FBLN1: variants seen among roughly 807,000 people sequenced by gnomAD.
FBLN1 encodes the protein fibulin-1.
Under a neutral mutation model 89.7 loss-of-function variants are expected in FBLN1, and 34 were observed. The ratio of observed to expected loss-of-function variants is 0.38; its 90% confidence interval spans 0.29 to 0.50. The LOEUF (loss-of-function observed/expected upper bound fraction) is 0.50, where lower values mean the gene tolerates loss of function less well. Among genes scored for constraint, FBLN1 ranks in the 20% least tolerant of loss-of-function variants. FBLN1 has a pLI of 0.92. For synonymous variants in FBLN1, 393 were observed against 391.3 expected (o/e 1.00, Z -0.05); for missense variants, 777 against 988.1 (o/e 0.79, Z 2.86).
intron 10 of FBLN1, 136 bp from the exon 11 acceptor site, chr22:45,543,265 C>A: frequency 8.9e-7 from 1 of 1,126,066 alleles, no homozygotes; most frequent in Non-Finnish European, 1.3e-6. Context: ...GACTCCATCT[C>A]AAAGATGAAG....
At chr22:45,511,991 G>C (rs985648196) in intron 1 of FBLN1, among the ~76,000 whole-genome samples, 3 of 152,104 alleles carry the variant, frequency 2.0e-5, no homozygotes, top group Non-Finnish European at 4.4e-5. Flanking sequence ...AAACTCCTCC[G>C]AAACAACAGG....
intron 14 of FBLN1, among the ~76,000 whole-genome samples, chr22:45,552,981 T>C (rs940384439): frequency 2.6e-5 from 4 of 152,210 alleles, no homozygotes; most frequent in African/African-American, 9.6e-5. Flanking sequence ...GTGGCCTTGG[T>C]TGCCGCTTCC....
At chr22:45,503,845 A>G (rs1053331362) in intron 1 of FBLN1, among the ~76,000 whole-genome samples, 3 of 152,114 alleles carry the variant, frequency 2.0e-5, no homozygotes, top group African/African-American at 7.2e-5. Context: ...CAACTCTGGG[A>G]CTGACAGCTC....
rs1319200998 is a variant in FBLN1, at chr22:45,576,540, C to T, written c.1841-437C>T. 6.6e-6 allele frequency among the ~76,000 whole-genome samples: 1 copy of T among 152,106 alleles called. No homozygotes were observed. The highest frequency in any genetic ancestry group is 1.5e-5 in the Non-Finnish European group (1 of 68,022). On this transcript the variant is annotated intron_variant, in intron 15 of 16. Coordinates refer to ENST00000327858, the MANE Select transcript of FBLN1 (RefSeq NM_006486.3). The surrounding 1 kb of genome is among the most constrained non-coding windows in gnomAD (Gnocchi z 5.2). ...ATGGACACACACCCCCCAGAGAACC[C>T]AGGCCACCGCTCAGGGTGGCCCCCC...
At chr22:45,519,787 G>A (rs189642558) in intron 2 of FBLN1, among the ~76,000 whole-genome samples, 8 of 152,326 alleles carry the variant, frequency 5.3e-5, no homozygotes, top group African/African-American at 1.7e-4. Flanking sequence ...CAAGGGCTGG[G>A]GAGGTGGACC....
chr22:45,552,844 T>G (rs2088722174), intron 14 of FBLN1, among the ~76,000 whole-genome samples: 1 of 151,684 alleles, frequency 6.6e-6, no homozygotes, highest in Non-Finnish European at 1.5e-5. Context: ...CACAATTCCC[T>G]TCTGCCCGCA....
At chr22:45,543,260 C>T in intron 10 of FBLN1, 141 bp from the exon 11 acceptor site, 1 of 1,026,842 alleles carries the variant, frequency 9.7e-7, no homozygotes, top group Non-Finnish European at 1.5e-6. Context: ...AGCGAGACTC[C>T]ATCTCAAAGA....
chr22:45,513,307 CTT>C (rs34166807), intron 1 of FBLN1, among the ~76,000 whole-genome samples: 44 of 141,072 alleles, frequency 3.1e-4, no homozygotes, highest in East Asian at 4.2e-4. Flanking sequence ...TAACCATTTC[CTT>C]TTTTTTTTTT....
rs367626016 is a variant in FBLN1, at chr22:45,541,334, G to A, written c.1028G>A (p.Arg343His). The change falls in exon 9 of 17, where the codon CGT becomes CAT. Residue 343 changes from arginine to histidine, a missense_variant. Physicochemically the swap from Arg to His is conservative, Grantham distance 29. Coordinates refer to ENST00000327858, the MANE Select transcript of FBLN1 (RefSeq NM_006486.3). Reference sequence around the variant, plus strand: ...CAGAAGAACGTGCCCAACTGTGGCCGTGGCTACCATCTCAACGAGGAGGGA... The same window carrying A: ...CAGAAGAACGTGCCCAACTGTGGCCATGGCTACCATCTCAACGAGGAGGGA... Reference protein sequence around the residue: ...TCQKNVPNCGRGYHLNEEGTR... With the variant: ...TCQKNVPNCGHGYHLNEEGTR... 4.0e-5 allele frequency: 65 copies of A among 1,614,136 alleles called. No individual in the cohort carries two copies. The highest frequency in any genetic ancestry group is 1.3e-4 in the African/African-American group (10 of 74,948).
At chr22:45,527,518 C>T (rs1420955393) in intron 3 of FBLN1, among the ~76,000 whole-genome samples, 1 of 151,972 alleles carries the variant, frequency 6.6e-6, no homozygotes, top group Non-Finnish European at 1.5e-5. Flanking sequence ...CTCCCTCTTC[C>T]TGGATGTGTG....
chr22:45,576,500 T>C lies in FBLN1; in HGVS notation c.1841-477T>C, dbSNP rs913526617. ...CAGAGCTGGGGCTGCCCTGCTTCAC[T>C]GTCTGATCTGGGAGATGGACACACA... On this transcript the variant is annotated intron_variant, in intron 15 of 16. Transcript: ENST00000327858. This position sits in a 1 kb window ranked among gnomAD's most constrained non-coding sequence, Gnocchi z 5.2. Among the ~76,000 whole-genome samples the C allele has an allele frequency of 6.6e-6, 1 of 151,896 alleles. No homozygotes were observed. Among genetic ancestry groups the C allele is most frequent in the African/African-American group, 2.4e-5 (1 of 41,352 alleles).
Position 45,600,546 on chromosome 22 carries a change from G to T in FBLN1, c.*100G>T. 7.2e-7 allele frequency: 1 copy of T among 1,396,258 alleles called. No homozygotes were observed. The highest frequency in any genetic ancestry group is 1.2e-5 in the South Asian group (1 of 86,088). 86.5% of individuals were successfully genotyped at this position (1,396,258 alleles called of 1,614,324 possible). On this transcript the variant is annotated 3_prime_UTR_variant, in exon 17 of 17. Transcript: ENST00000327858. Reference sequence around the variant, plus strand: ...GTTTATACCCTCAGACTTTTTTAATGTTAGGTATTTGTAGCATTAGGCCAA... The same window carrying T: ...GTTTATACCCTCAGACTTTTTTAATTTTAGGTATTTGTAGCATTAGGCCAA...
At chr22:45,552,782 A>G (rs1350434727) in intron 14 of FBLN1, among the ~76,000 whole-genome samples, 1 of 152,180 alleles carries the variant, frequency 6.6e-6, no homozygotes, top group African/African-American at 2.4e-5. Flanking sequence ...CTGGGCCGCA[A>G]ACCACAGGGC....
rs907402550 is a variant in FBLN1, at chr22:45,557,681, G to A, written c.1697+7066G>A. Among the ~76,000 whole-genome samples, 6 of 152,206 alleles carry A rather than the reference G, an allele frequency of 3.9e-5. No individual in the cohort carries two copies. Among genetic ancestry groups the A allele is most frequent in the Non-Finnish European group, 7.3e-5 (5 of 68,034 alleles). ...CCTCCTCTGCTGAGCTCTTTTATGT[G>A]ATATGGTGAGCACTCTCATGTGATA... On this transcript the variant is annotated intron_variant, in intron 14 of 16. Transcript: ENST00000327858. The surrounding 1 kb of genome is among the most constrained non-coding windows in gnomAD (Gnocchi z 4.9).
In FBLN1 at chr22:45,532,877, G is replaced by A. The variant is rs6007082; in HGVS notation, c.545-186G>A. ...TTGGGACCTGAAGCAGCAGCCCCTG[G>A]GGGGTGTCCAGAGCCAGAGCCTGGG... On this transcript the variant is annotated intron_variant, in intron 5 of 16. Transcript: ENST00000327858. The surrounding 1 kb of genome is among the most constrained non-coding windows in gnomAD (Gnocchi z 4.2). 62 of 636,534 alleles carry A rather than the reference G, an allele frequency of 9.7e-5. No individual in the cohort carries two copies. The African/African-American group carries it at 1.0e-3, about 11-fold the overall frequency. 39.4% of individuals were successfully genotyped at this position (636,534 alleles called of 1,614,324 possible).
intron 1 of FBLN1, among the ~76,000 whole-genome samples, chr22:45,505,399 A>G (rs1410386880): frequency 1.3e-5 from 2 of 152,198 alleles, no homozygotes; most frequent in Non-Finnish European, 2.9e-5. Flanking sequence ...GGGCCAGGGC[A>G]CTGAATGCAT....
chr22:45,551,428 C>T (rs1259561154), intron 14 of FBLN1, among the ~76,000 whole-genome samples: 7 of 152,210 alleles, frequency 4.6e-5, no homozygotes, highest in African/African-American at 1.2e-4. Flanking sequence ...GCTGCCCCCG[C>T]GACCTGAGGG....
At position 45,574,402 on chromosome 22, in the gene FBLN1, G is replaced by A; in HGVS notation, c.1698-109G>A. 1 of 1,200,246 alleles carries A rather than the reference G, an allele frequency of 8.3e-7. No individual in the cohort carries two copies. The highest frequency in any genetic ancestry group is 1.2e-6 in the Non-Finnish European group (1 of 826,494). The allele number at this position is 1,200,246 out of a possible 1,614,324, so 74.3% of individuals were successfully genotyped here. ...CGTTCTCTGATGGAGCTGTCTCTGGGACAGATGCCCCTGCCCTGGCCACCT... is the reference window on the plus strand; with the variant it reads ...CGTTCTCTGATGGAGCTGTCTCTGGAACAGATGCCCCTGCCCTGGCCACCT... On this transcript the variant is annotated intron_variant, in intron 14 of 16. Coordinates refer to ENST00000327858, the MANE Select transcript of FBLN1 (RefSeq NM_006486.3). This position sits in a 1 kb window ranked among gnomAD's most constrained non-coding sequence, Gnocchi z 4.1.
intron 6 of FBLN1, 28 bp downstream of exon 6, chr22:45,533,192 G>A: frequency 6.3e-7 from 1 of 1,586,732 alleles, no homozygotes; most frequent in Non-Finnish European, 8.7e-7. Context: ...GGTGCCAGCA[G>A]GACTGGCCGG....
Sources: allele counts gnomAD v4.1 joint callset (sites outside exome capture counted in the v4.1 genomes callset), GRCh38; gene constraint gnomAD v4.1.1; non-coding constraint Gnocchi (gnomAD v3.1); transcripts MANE v1.5; gene names NCBI Gene and HGNC (gene_info 2026-07-23, HGNC 2026-07-21).